TMEM117: variants seen among roughly 807,000 people sequenced by gnomAD.
TMEM117 encodes transmembrane protein 117.
TMEM117 carries 27 observed loss-of-function variants against 52.4 expected under a neutral mutation model. That is an observed-to-expected ratio of 0.51 (90% CI 0.38 to 0.71). The LOEUF is 0.71. Ranked by LOEUF, TMEM117 falls within the 30% of genes least tolerant of loss-of-function variation. The probability of loss-of-function intolerance (pLI) is 0.00; values close to 1 mark genes in which losing one functional copy is unlikely to be tolerated. For synonymous variants in TMEM117, 215 were observed against 206.3 expected (o/e 1.04, Z -0.36); for missense variants, 556 against 630.5 (o/e 0.88, Z 1.26).
At chr12:44,382,200 C>T (rs1236619474) in intron 7 of TMEM117, among the ~76,000 whole-genome samples, 1 of 152,138 alleles carries the variant, frequency 6.6e-6, no homozygotes, top group Non-Finnish European at 1.5e-5. Context: ...TCTGCCCTGC[C>T]CACCCTGAGG....
At chr12:43,886,701 GGGTTTATTGTACAC>G (rs1432447918) in intron 2 of TMEM117, among the ~76,000 whole-genome samples, 1 of 152,048 alleles carries the variant, frequency 6.6e-6, no homozygotes, top group Non-Finnish European at 1.5e-5. Flanking sequence ...TGTGTCAAGG[GGGTTTATTGTACAC>G]GTTATTTCAT....
chr12:44,309,864 T>C (rs559858997), intron 6 of TMEM117, among the ~76,000 whole-genome samples: 3 of 151,272 alleles, frequency 2.0e-5, no homozygotes, highest in Non-Finnish European at 4.4e-5. Context: ...TAAAATGAAA[T>C]AATATGCTGT....
chr12:44,361,559 T>A (rs1384186333), intron 6 of TMEM117, among the ~76,000 whole-genome samples: 1 of 152,184 alleles, frequency 6.6e-6, no homozygotes, highest in African/African-American at 2.4e-5. Context: ...TGGTAAACAC[T>A]TATTAAATAT....
In TMEM117 at chr12:44,266,960, C is replaced by T. The variant is rs189190424; in HGVS notation, c.609-32620C>T. Among the ~76,000 whole-genome samples, 1,242 of 152,118 alleles carry T rather than the reference C, an allele frequency of 8.2e-3. 13 individuals are homozygous for T. The highest frequency in any genetic ancestry group is 0.028 in the African/African-American group (1,183 of 41,514). On this transcript the variant is annotated intron_variant, in intron 5 of 7. Coordinates refer to ENST00000266534, the MANE Select transcript of TMEM117 (RefSeq NM_032256.3). ...TGGGTTGCTTTTTGGATTCTCAATT[C>T]TGTTTTGCCTATGTATATATCTTTC...
chr12:43,978,407 G>A (rs746257620), intron 3 of TMEM117, among the ~76,000 whole-genome samples: 7 of 152,106 alleles, frequency 4.6e-5, no homozygotes, highest in Non-Finnish European at 8.8e-5. Flanking sequence ...TAGGCTGAAC[G>A]GAAAAGGTCT....
chr12:44,202,932 G>C (rs1010607724), intron 4 of TMEM117, among the ~76,000 whole-genome samples: 1 of 152,004 alleles, frequency 6.6e-6, no homozygotes, highest in Admixed American at 6.6e-5. Context: ...GGGATTGCAG[G>C]TGTGTACCAC....
intron 5 of TMEM117, among the ~76,000 whole-genome samples, chr12:44,233,671 A>G (rs1949959350): frequency 6.6e-6 from 1 of 151,434 alleles, no homozygotes; most frequent in African/African-American, 2.4e-5. Flanking sequence ...ATTTTATTGT[A>G]TCTTTCATTT....
chr12:43,913,136 T>G (rs1609547), intron 2 of TMEM117, among the ~76,000 whole-genome samples: 144,773 of 152,234 alleles, frequency 0.95, 68,934 homozygotes, highest in East Asian at 1. Context: ...ATACCAACAT[T>G]TAAACACGCT....
intron 3 of TMEM117, among the ~76,000 whole-genome samples, chr12:44,123,510 C>T (rs535080540): frequency 2.6e-5 from 4 of 152,112 alleles, no homozygotes; most frequent in Non-Finnish European, 5.9e-5. Context: ...CCTAGATTTC[C>T]TTCCAGGGTT....
intron 4 of TMEM117, among the ~76,000 whole-genome samples, chr12:44,175,729 CAG>C: frequency 6.6e-6 from 1 of 152,152 alleles, no homozygotes; most frequent in Non-Finnish European, 1.5e-5. Flanking sequence ...GGTAGATTGA[CAG>C]AGATGGAGGA....
chr12:44,094,284 G>A (rs1214717392), intron 3 of TMEM117, among the ~76,000 whole-genome samples: 1 of 152,106 alleles, frequency 6.6e-6, no homozygotes, highest in African/African-American at 2.4e-5. Context: ...TCTGTGTGGT[G>A]CATGTCAATG....
chr12:44,122,035 ATTCTT>A (rs1565837235), intron 3 of TMEM117, among the ~76,000 whole-genome samples: 1 of 145,470 alleles, frequency 6.9e-6, no homozygotes, highest in African/African-American at 2.6e-5. Context: ...ACATGATTTC[ATTCTT>A]TTCTTTTCTT....
chr12:44,094,247 G>A (rs913804489), intron 3 of TMEM117, among the ~76,000 whole-genome samples: 3 of 152,116 alleles, frequency 2.0e-5, no homozygotes, highest in Admixed American at 6.6e-5. Flanking sequence ...ATCATAGTAA[G>A]TCATGGGCTT....
chr12:44,292,535 G>T (rs1215988368), intron 5 of TMEM117, among the ~76,000 whole-genome samples: 1 of 151,834 alleles, frequency 6.6e-6, no homozygotes, highest in Non-Finnish European at 1.5e-5. Flanking sequence ...CTAGTTCCTT[G>T]AGGTATAAAA....
intron 6 of TMEM117, among the ~76,000 whole-genome samples, chr12:44,361,660 C>G (rs1951722755): frequency 6.6e-6 from 1 of 152,118 alleles, no homozygotes; most frequent in Non-Finnish European, 1.5e-5. Context: ...AGAAGTGTAC[C>G]TTCAAGGAGT....
At chr12:43,845,072 T>C in intron 2 of TMEM117, 144 bp downstream of exon 2, 3 of 896,498 alleles carry the variant, frequency 3.3e-6, no homozygotes, top group Non-Finnish European at 5.0e-6. Context: ...TGGTTGTAAC[T>C]GGGTTCTTCA....
At chr12:44,250,443 A>T (rs1025637038) in intron 5 of TMEM117, among the ~76,000 whole-genome samples, 1 of 152,190 alleles carries the variant, frequency 6.6e-6, no homozygotes, top group Non-Finnish European at 1.5e-5. Context: ...TTCCTCAAGG[A>T]TCTAGAACCA....
At chr12:44,266,652 T>C (rs1489122815) in intron 5 of TMEM117, among the ~76,000 whole-genome samples, 1 of 152,170 alleles carries the variant, frequency 6.6e-6, no homozygotes, top group African/African-American at 2.4e-5. Context: ...GTATTTTCTT[T>C]GGTCAGACTT....
intron 7 of TMEM117, among the ~76,000 whole-genome samples, chr12:44,379,783 G>A (rs1002227883): frequency 6.6e-6 from 1 of 152,170 alleles, no homozygotes; most frequent in Non-Finnish European, 1.5e-5. Context: ...CTAGCTTGCT[G>A]ATCAGCTCCT....
Sources: gnomAD v4.1 joint callset for allele counts (sites outside exome capture counted in the v4.1 genomes callset) on GRCh38, gnomAD v4.1.1 for gene constraint, MANE v1.5 for transcripts, NCBI Gene and HGNC (gene_info 2026-07-23, HGNC 2026-07-21) for gene names.